The following CPEB2 variants were observed in gnomAD, a reference collection of about 807,000 sequenced individuals.
The protein encoded by CPEB2 is cytoplasmic polyadenylation element binding protein 2.
CPEB2 carries 56 observed loss-of-function variants against 93.6 expected under a neutral mutation model. That is an observed-to-expected ratio of 0.60 (90% CI 0.48 to 0.75). The LOEUF is 0.75. Among genes scored for constraint, CPEB2 ranks in the 30% least tolerant of loss-of-function variants. The probability of loss-of-function intolerance (pLI) is 0.00; values close to 1 mark genes in which losing one functional copy is unlikely to be tolerated. For synonymous variants in CPEB2, 764 were observed against 586.3 expected (o/e 1.30, Z -4.38); for missense variants, 1,579 against 1,395.1 (o/e 1.13, Z -2.10).
intron 4 of CPEB2, among the ~76,000 whole-genome samples, chr4:15,021,221 T>C (rs1724774594): frequency 6.6e-6 from 1 of 152,160 alleles, no homozygotes; most frequent in South Asian, 2.1e-4. Context: ...CTTTATTTAT[T>C]GTGTGGTAGT....
At chr4:15,061,266 G>A (rs1022351138) in intron 10 of CPEB2, among the ~76,000 whole-genome samples, 3 of 152,088 alleles carry the variant, frequency 2.0e-5, no homozygotes, top group Non-Finnish European at 4.4e-5. Flanking sequence ...AGCCAGGAGT[G>A]TAGATAGTGT....
At chr4:15,020,482 A>G (rs112179803) in intron 4 of CPEB2, among the ~76,000 whole-genome samples, 126 of 152,256 alleles carry the variant, frequency 8.3e-4, no homozygotes, top group African/African-American at 2.8e-3. Flanking sequence ...TGCTAACAGA[A>G]GCACCTTCCC....
intron 5 of CPEB2, among the ~76,000 whole-genome samples, chr4:15,037,522 C>T (rs1211167571): frequency 6.6e-6 from 1 of 152,144 alleles, no homozygotes; most frequent in African/African-American, 2.4e-5. Context: ...TATGACCCTA[C>T]ACAGTTTCTA....
At chr4:15,019,531 G>T (rs1724585313) in intron 4 of CPEB2, among the ~76,000 whole-genome samples, 1 of 151,782 alleles carries the variant, frequency 6.6e-6, no homozygotes, top group Non-Finnish European at 1.5e-5. Flanking sequence ...GTTCTTGAGG[G>T]CAGTATTTCG....
chr4:15,043,976 G>GATTTTCA (rs1279293084), intron 6 of CPEB2, among the ~76,000 whole-genome samples: 1 of 152,076 alleles, frequency 6.6e-6, no homozygotes, highest in Non-Finnish European at 1.5e-5. Flanking sequence ...GTTGATCCAG[G>GATTTTCA]ATTTTCAATT....
chr4:15,045,780 G>A (rs1196660798), intron 6 of CPEB2, among the ~76,000 whole-genome samples: 2 of 152,012 alleles, frequency 1.3e-5, no homozygotes, highest in African/African-American at 4.8e-5. Context: ...CTTGTGGTAA[G>A]AGCCTTAGGA....
intron 2 of CPEB2, among the ~76,000 whole-genome samples, chr4:15,007,891 T>G (rs1340681277): frequency 1.3e-5 from 2 of 152,230 alleles, no homozygotes; most frequent in African/African-American, 4.8e-5. Context: ...TTATAAATTC[T>G]AATGGGCCAC....
Position 15,007,308 on chromosome 4 carries a change from C to T in CPEB2, c.1666C>T (p.Leu556Phe). The T allele has an allele frequency of 6.7e-7, 1 of 1,486,354 alleles. No individual in the cohort carries two copies. The highest frequency in any genetic ancestry group is 2.4e-5 in the East Asian group (1 of 41,564). The allele number at this position is 1,486,354 out of a possible 1,614,324, so 92.1% of individuals were successfully genotyped here. A position where few individuals can be genotyped will look rare whatever the true frequency, so the allele number is the denominator to read the frequency against. Residue 556 changes from leucine to phenylalanine, a missense_variant, in exon 2 of 12, where the codon CTT becomes TTT. Physicochemically the swap from Leu to Phe is conservative, Grantham distance 22 (BLOSUM62 0). Around this residue, in one of 2 missense-constraint regions of CPEB2, gnomAD observed 1,411 missense variants for 1,056.0 expected, o/e 1.34. Transcript: ENST00000538197. ...QRNSYNHHQP[L>F]LKQSPWSNHQ... Reference sequence around the variant, plus strand: ...TAAATAGCTATGTTTTCCCTAGCCTCTTCTGAAACAGTCTCCCTGGAGCAA... The same window carrying T: ...TAAATAGCTATGTTTTCCCTAGCCTTTTCTGAAACAGTCTCCCTGGAGCAA...
chr4:15,066,022 C>T (rs1038474887), intron 11 of CPEB2, 131 bp from the exon 12 acceptor site: 1 of 730,490 alleles, frequency 1.4e-6, no homozygotes, highest in South Asian at 1.8e-5. Flanking sequence ...AAAGCTCCTT[C>T]CTTGAGAAAC....
chr4:15,055,363 A>G (rs992176035), intron 8 of CPEB2, among the ~76,000 whole-genome samples: 4 of 152,200 alleles, frequency 2.6e-5, no homozygotes, highest in African/African-American at 9.6e-5. Context: ...ACCTTGGTAT[A>G]GACAGGAAAT....
chr4:15,003,234 T>A lies in CPEB2; in HGVS notation c.561T>A (p.Leu187=). The change falls in exon 1 of 12, where the codon CTT becomes CTA. Residue 187 remains leucine (L), a synonymous_variant. Transcript: ENST00000538197. The part of the protein sequence containing the change: ...QKRKEFSPPH[L]PHPPDSKPPP... ...GGAAAGAGTTCAGCCCTCCCCACCTTCCCCACCCTCCGGACTCGAAGCCGC... is the reference window on the plus strand; with the variant it reads ...GGAAAGAGTTCAGCCCTCCCCACCTACCCCACCCTCCGGACTCGAAGCCGC... The A allele has an allele frequency of 6.6e-7, 1 of 1,521,748 alleles. No individual in the cohort carries two copies. The highest frequency in any genetic ancestry group is 8.8e-7 in the Non-Finnish European group (1 of 1,142,066). 94.3% of individuals were successfully genotyped at this position (1,521,748 alleles called of 1,614,324 possible). A position where few individuals can be genotyped will look rare whatever the true frequency, so the allele number is the denominator to read the frequency against.
intron 4 of CPEB2, among the ~76,000 whole-genome samples, chr4:15,030,201 A>G (rs527973852): frequency 6.6e-6 from 1 of 152,174 alleles, no homozygotes; most frequent in African/African-American, 2.4e-5. Flanking sequence ...ATTATGAAAT[A>G]TACTATAGAA....
At chr4:15,044,129 G>GA (rs1727443908) in intron 6 of CPEB2, among the ~76,000 whole-genome samples, 1 of 151,870 alleles carries the variant, frequency 6.6e-6, no homozygotes, top group Admixed American at 6.6e-5. Context: ...TCTGAAGCAT[G>GA]AAAAAAAAGC....
At chr4:15,037,383 A>G (rs1726722656) in intron 5 of CPEB2, among the ~76,000 whole-genome samples, 1 of 152,144 alleles carries the variant, frequency 6.6e-6, no homozygotes, top group African/African-American at 2.4e-5. Flanking sequence ...TGAAAAAAAT[A>G]AAAATGTCTT....
intron 1 of CPEB2, chr4:15,006,551 GGA>G (rs1182359913): frequency 6.6e-6 from 1 of 152,118 alleles, no homozygotes; most frequent in Non-Finnish European, 1.5e-5. Context: ...TCAACTTGAT[GGA>G]GACTTGTATC....
intron 6 of CPEB2, among the ~76,000 whole-genome samples, chr4:15,049,691 C>T (rs771270916): frequency 7.9e-5 from 12 of 152,066 alleles, no homozygotes; most frequent in African/African-American, 1.2e-4. Flanking sequence ...CTAATAACAG[C>T]GGTATTTGAA....
At chr4:15,041,742 G>A (rs1001308222) in intron 6 of CPEB2, among the ~76,000 whole-genome samples, 2 of 152,096 alleles carry the variant, frequency 1.3e-5, no homozygotes, top group Non-Finnish European at 2.9e-5. Context: ...TCATGAATGT[G>A]TGTACTTTTT....
rs1405240665 is a variant in CPEB2 at position 15,033,150 on chromosome 4, T to C, written c.2126-11T>C. 2.5e-6 allele frequency: 4 copies of C among 1,594,596 alleles called. No homozygotes were observed. The African/African-American group carries it at 5.4e-5, about 21-fold the overall frequency. ...ATAATCTTCAAACTCACCTTTCCTG[T>C]CTTTTTAAAGGTCGATTGAGCTATC... On this transcript the variant is annotated splice_polypyrimidine_tract_variant and intron_variant, in intron 4 of 11. Transcript: ENST00000538197.
chr4:15,033,444 G>T (rs1726318636), intron 5 of CPEB2, among the ~76,000 whole-genome samples: 1 of 152,196 alleles, frequency 6.6e-6, no homozygotes, highest in Admixed American at 6.6e-5. Flanking sequence ...CTTGGAGGCA[G>T]TCCTGGTTTG....
Sources: allele counts gnomAD v4.1 joint callset (sites outside exome capture counted in the v4.1 genomes callset), GRCh38; gene constraint gnomAD v4.1.1; regional missense constraint gnomAD v4.1.1; transcripts MANE v1.5; gene names NCBI Gene and HGNC (gene_info 2026-07-23, HGNC 2026-07-21).